Variants in CGGBP1 observed in about 807,000 individuals in gnomAD.
The protein encoded by CGGBP1 is CGG triplet repeat binding protein 1, also known as CGG triplet repeat-binding protein 1.
CGGBP1 carries 4 observed loss-of-function variants against 11.4 expected under a neutral mutation model. The ratio of observed to expected loss-of-function variants is 0.35; its 90% CI spans 0.17 to 0.80. The LOEUF (loss-of-function observed/expected upper bound fraction) is 0.80. Ranked by LOEUF, CGGBP1 falls within the 30% of genes least tolerant of loss-of-function variation. The pLI is 0.52. For missense variants in CGGBP1, 135 were observed against 202.1 expected (o/e 0.67, Z 2.01); for synonymous variants, 76 against 74.1 (o/e 1.03, Z -0.13).
intron 2 of CGGBP1, among the ~76,000 whole-genome samples, chr3:88,085,759 C>CT (rs1484400729): frequency 2.0e-5 from 3 of 152,142 alleles, no homozygotes; most frequent in African/African-American, 7.2e-5. Flanking sequence ...ATTCTGGACT[C>CT]TTTTCCCCAT....
intron 2 of CGGBP1, among the ~76,000 whole-genome samples, chr3:88,078,902 CTG>C (rs1204192890): frequency 6.6e-5 from 10 of 152,110 alleles, no homozygotes; most frequent in African/African-American, 1.7e-4. Context: ...TATAAATTCT[CTG>C]TGAATTTTTT....
chr3:88,144,832 A>G (rs1466836971), intron 1 of CGGBP1, among the ~76,000 whole-genome samples: 3 of 152,052 alleles, frequency 2.0e-5, no homozygotes, highest in Admixed American at 6.6e-5. Context: ...AAATAGAAGT[A>G]TCTAAAATTT....
Position 88,077,212 on chromosome 3 carries a change from G to A in CGGBP1, c.-228-18989C>T, listed in dbSNP as rs1237052314. ...GGAGGAGGATTGTGAATGAATTTTT[G>A]TTGTTTAGCCTTCTCAACTCATCTC... On this transcript the variant is annotated intron_variant, in intron 2 of 3. Coordinates refer to the CGGBP1 transcript ENST00000462901. Among the ~76,000 whole-genome samples, 3 of 151,982 alleles carry A rather than the reference G, an allele frequency of 2.0e-5. No individual in the cohort carries two copies. In the East Asian group the frequency reaches 5.8e-4, roughly 29 times the overall value.
At chr3:88,111,402 C>G (rs1324298499) in intron 2 of CGGBP1, among the ~76,000 whole-genome samples, 1 of 151,802 alleles carries the variant, frequency 6.6e-6, no homozygotes, top group East Asian at 1.9e-4. Flanking sequence ...TATGTTCCCC[C>G]ACCCCCTGAC....
intron 1 of CGGBP1, among the ~76,000 whole-genome samples, chr3:88,146,693 A>G (rs1707319177): frequency 6.6e-6 from 1 of 152,084 alleles, no homozygotes; most frequent in South Asian, 2.1e-4. Flanking sequence ...CTCATCATGT[A>G]ATTTTAGTTC....
chr3:88,095,692 T>G, intron 2 of CGGBP1: 1 of 418,074 alleles, frequency 2.4e-6, no homozygotes, highest in South Asian at 1.9e-5. Context: ...CAGCACAGTT[T>G]GAGAAATTGG....
At chr3:88,141,677 C>A in intron 1 of CGGBP1, 1 of 1,496,764 alleles carries the variant, frequency 6.7e-7, no homozygotes, top group South Asian at 1.3e-5. Context: ...AAAGATCTGT[C>A]AATCAAGCAG....
upstream of CGGBP1, among the ~76,000 whole-genome samples, chr3:88,061,546 G>C (rs1381479885): frequency 6.6e-6 from 1 of 152,068 alleles, no homozygotes; most frequent in Admixed American, 6.5e-5. Context: ...TGAGAGATCT[G>C]CTCTGAGGTT....
intron 2 of CGGBP1, among the ~76,000 whole-genome samples, chr3:88,092,469 A>G (rs1045257631): frequency 6.6e-6 from 1 of 152,202 alleles, no homozygotes; most frequent in Non-Finnish European, 1.5e-5. Flanking sequence ...GAGGTCAGCA[A>G]AAATGTGCTG....
intron 2 of CGGBP1, among the ~76,000 whole-genome samples, chr3:88,104,798 A>G (rs575809853): frequency 1.3e-5 from 2 of 152,344 alleles, no homozygotes; most frequent in South Asian, 4.1e-4. Context: ...AGACAGAACA[A>G]ACAAAACTAT....
At chr3:88,095,083 T>G (rs1703980635) in intron 2 of CGGBP1, among the ~76,000 whole-genome samples, 2 of 152,118 alleles carry the variant, frequency 1.3e-5, no homozygotes, top group Middle Eastern at 3.2e-3. Context: ...TTTTAGTAAT[T>G]TATTGGTTGA....
chr3:88,091,174 C>T (rs954243565), intron 2 of CGGBP1, among the ~76,000 whole-genome samples: 1 of 152,166 alleles, frequency 6.6e-6, no homozygotes, highest in Non-Finnish European at 1.5e-5. Context: ...ATGCATTTCT[C>T]AGAACATATC....
At chr3:88,075,629 G>A (rs1277643657) in intron 2 of CGGBP1, among the ~76,000 whole-genome samples, 1 of 152,180 alleles carries the variant, frequency 6.6e-6, no homozygotes, top group Non-Finnish European at 1.5e-5. Context: ...TTTATTGGCA[G>A]AATAAACATT....
At chr3:88,080,351 TAAAAC>T (rs1708016535) in intron 2 of CGGBP1, among the ~76,000 whole-genome samples, 1 of 152,148 alleles carries the variant, frequency 6.6e-6, no homozygotes, top group South Asian at 2.1e-4. Context: ...TTTCTTTTCT[TAAAAC>T]AAGGTGCACT....
chr3:88,123,715 C>G lies in CGGBP1; in HGVS notation c.-229+17255G>C, dbSNP rs148729789. On this transcript the variant is annotated intron_variant, in intron 2 of 3. Coordinates refer to the CGGBP1 transcript ENST00000462901. ...CCCATAGTACTGACTGATGCCTCAC[C>G]TATCCTTAGACAACTAGAAAGATGG... 4.4e-3 allele frequency among the ~76,000 whole-genome samples: 677 copies of G among 152,286 alleles called. 3 individuals are homozygous for G. Among genetic ancestry groups the G allele is most frequent in the African/African-American group, 0.015 (627 of 41,564 alleles).
At position 88,055,297 on chromosome 3, in the gene CGGBP1, TAAC is replaced by T; in HGVS notation, c.*173_*175del. On this transcript the variant is annotated 3_prime_UTR_variant, in exon 4 of 4. Coordinates refer to ENST00000482016, the MANE Select transcript of CGGBP1 (RefSeq NM_001008390.2). The surrounding 1 kb of genome is among the most constrained non-coding windows in gnomAD (Gnocchi z 4.2). ...GCTTTATACCATTGGTGACTAAAAT[TAAC>T]AATAAGTTTTGCAGTGAGGTGGTTT... is the stretch of plus-strand genomic sequence containing the variant. 1.9e-6 allele frequency: 1 copy of T among 521,764 alleles called. No homozygotes were observed. The allele number at this position is 521,764 out of a possible 1,614,324, so 32.3% of individuals were successfully genotyped here.
chr3:88,091,584 G>T (rs1341610135), intron 2 of CGGBP1, among the ~76,000 whole-genome samples: 6 of 152,130 alleles, frequency 3.9e-5, no homozygotes, highest in Admixed American at 3.9e-4. Context: ...CCTGCTAGCT[G>T]ATATGGTTTC....
Position 88,054,018 on chromosome 3 carries a change from TAA to T in CGGBP1, c.*1453_*1454del, listed in dbSNP as rs1559677286. The T allele has an allele frequency of 6.6e-6, 1 of 152,606 alleles. No homozygotes were observed. Among genetic ancestry groups the T allele is most frequent in the Non-Finnish European group, 1.5e-5 (1 of 68,000 alleles). 9.5% of individuals were successfully genotyped at this position (152,606 alleles called of 1,614,324 possible). ...GAAACTTAAGTCTGTAAAAAAATCTTAAGACATGGAAAGCTGTTACTGAAAAA... is the reference window on the plus strand; with the variant it reads ...GAAACTTAAGTCTGTAAAAAAATCTTGACATGGAAAGCTGTTACTGAAAAA... On this transcript the variant is annotated 3_prime_UTR_variant, in exon 4 of 4. Coordinates refer to ENST00000482016, the MANE Select transcript of CGGBP1 (RefSeq NM_001008390.2).
At chr3:88,113,200 A>G in intron 2 of CGGBP1, 1 of 1,525,908 alleles carries the variant, frequency 6.6e-7, no homozygotes, top group Non-Finnish European at 8.8e-7. Flanking sequence ...ATTCCAGGTA[A>G]AAAACAGTTT....
Sources: allele counts gnomAD v4.1 joint callset (sites outside exome capture counted in the v4.1 genomes callset), GRCh38; gene constraint gnomAD v4.1.1; non-coding constraint Gnocchi (gnomAD v3.1); transcripts MANE v1.5; gene names NCBI Gene and HGNC (gene_info 2026-07-23, HGNC 2026-07-21).